ARHGEF28: variants seen among roughly 807,000 people sequenced by gnomAD.
The protein encoded by ARHGEF28 is 190 kDa guanine nucleotide exchange factor.
ARHGEF28 carries 152 observed loss-of-function variants against 206.6 expected under a neutral mutation model. The ratio of observed to expected loss-of-function variants is 0.74; its 90% CI spans 0.64 to 0.84. The LOEUF (loss-of-function observed/expected upper bound fraction) is 0.84. Ranked by LOEUF, ARHGEF28 falls within the 40% of genes least tolerant of loss-of-function variation. The probability of loss-of-function intolerance (pLI) is 0.00; values close to 1 mark genes in which losing one functional copy is unlikely to be tolerated. For synonymous variants in ARHGEF28, 763 were observed against 776.4 expected (o/e 0.98, Z 0.29); for missense variants, 2,028 against 2,073.2 (o/e 0.98, Z 0.42).
At position 73,825,966 on chromosome 5, in the gene ARHGEF28, G is replaced by A. The variant is rs1458039620; in HGVS notation, c.1025-6372G>A. ...TCATCATCATATGATGGTGTGTGAT[G>A]CCATGCTGTCAGATAACCAAGGGAA... On this transcript the variant is annotated intron_variant, in intron 9 of 35. Coordinates refer to ENST00000513042, the MANE Select transcript of ARHGEF28 (RefSeq NM_001177693.2). Among the ~76,000 whole-genome samples, 10 of 152,134 alleles carry A rather than the reference G, an allele frequency of 6.6e-5. 1 individual carries two copies. Among genetic ancestry groups the A allele is most frequent in the Admixed American group, 6.5e-4 (10 of 15,278 alleles).
intron 14 of ARHGEF28, among the ~76,000 whole-genome samples, chr5:73,855,200 A>G (rs1055537496): frequency 1.3e-5 from 2 of 152,174 alleles, no homozygotes; most frequent in African/African-American, 4.8e-5. Context: ...GATATAGGTA[A>G]ATATCACATA....
At chr5:73,703,647 T>TTGTGTGTGTGTGTG (rs56160198) in intron 2 of ARHGEF28, among the ~76,000 whole-genome samples, 2,645 of 139,678 alleles carry the variant, frequency 0.019, 86 homozygotes, top group African/African-American at 0.062. Flanking sequence ...TTTCCCAGCA[T>TTGTGTGTGTGTGTG]TGTGTGTGTG....
At chr5:73,741,912 C>G (rs1307549076) in intron 2 of ARHGEF28, among the ~76,000 whole-genome samples, 1 of 152,000 alleles carries the variant, frequency 6.6e-6, no homozygotes, top group East Asian at 1.9e-4. Context: ...TGAAAGAGGC[C>G]TGTTAAAGTT....
intron 28 of ARHGEF28, 88 bp downstream of exon 28, chr5:73,893,376 T>A: frequency 9.6e-7 from 1 of 1,045,698 alleles, no homozygotes; most frequent in Non-Finnish European, 1.3e-6. Flanking sequence ...AGGTTATAAC[T>A]ACATGATTCA....
intron 2 of ARHGEF28, among the ~76,000 whole-genome samples, chr5:73,714,129 C>G (rs1256917772): frequency 6.6e-6 from 1 of 152,134 alleles, no homozygotes; most frequent in Non-Finnish European, 1.5e-5. Flanking sequence ...TAATGTGTAG[C>G]ACTTGGCCAT....
chr5:73,804,304 G>GT (rs894341580), intron 9 of ARHGEF28, among the ~76,000 whole-genome samples: 8 of 151,746 alleles, frequency 5.3e-5, no homozygotes, highest in South Asian at 2.1e-4. Flanking sequence ...TGGAGACACT[G>GT]TTTTTTTTCC....
chr5:73,684,882 T>C lies in ARHGEF28; in HGVS notation c.31T>C (p.Tyr11His). The C allele has an allele frequency of 6.2e-7, 1 of 1,612,188 alleles. No homozygotes were observed. The highest frequency in any genetic ancestry group is 8.5e-7 in the Non-Finnish European group (1 of 1,178,940). ...GTTGAGCTGCAGCGAAGCACCTCTT[T>C]ACGTAAGTTGCTAAGCACGGGGCTT... MELSCSEAPL[Y>H]GQMMIYAKFD... is the part of the protein sequence containing the mutation. Residue 11 changes from tyrosine (Y) to histidine (H), a missense_variant and splice_region_variant, in exon 2 of 36, where the codon TAC (tyrosine) becomes CAC (histidine). This residue lies in a region of ARHGEF28 where 1,002 missense variants were observed against 1,015.3 expected (regional missense o/e 0.99). Transcript: ENST00000513042.
chr5:73,767,462 T>C (rs6893730), intron 4 of ARHGEF28, among the ~76,000 whole-genome samples: 3,385 of 152,232 alleles, frequency 0.022, 146 homozygotes, highest in African/African-American at 0.077. Flanking sequence ...AGGTAGTCTC[T>C]GATGGAAATG....
rs533183101 is a variant in ARHGEF28, at chr5:73,879,182, C to T, written c.2815-3290C>T. On this transcript the variant is annotated intron_variant, in intron 22 of 35. Coordinates refer to ENST00000513042, the MANE Select transcript of ARHGEF28 (RefSeq NM_001177693.2). ...TGCTTCATTTCATTCATTTCATCTT[C>T]CATCACTGATACCCTTCCTTCCAGC... Among the ~76,000 whole-genome samples the T allele has an allele frequency of 2.0e-5, 3 of 152,330 alleles. 1 individual carries two copies. The South Asian group carries it at 6.2e-4, about 32-fold the overall frequency.
At chr5:73,660,803 G>A (rs1295197002) in intron 1 of ARHGEF28, among the ~76,000 whole-genome samples, 2 of 152,118 alleles carry the variant, frequency 1.3e-5, no homozygotes, top group African/African-American at 4.8e-5. Flanking sequence ...CTCAATAATG[G>A]CCTTAAGATA....
At chr5:73,812,399 G>A (rs1333616587) in intron 9 of ARHGEF28, among the ~76,000 whole-genome samples, 3 of 152,136 alleles carry the variant, frequency 2.0e-5, no homozygotes, top group South Asian at 2.1e-4. Flanking sequence ...TTCCAATGTC[G>A]TTTAGTTTAT....
chr5:73,865,015 A>G (rs532354956), intron 17 of ARHGEF28, 143 bp downstream of exon 17: 9 of 716,674 alleles, frequency 1.3e-5, no homozygotes, highest in African/African-American at 1.1e-4. Context: ...CTCAAAGTGT[A>G]TAGTTATTTG....
chr5:73,898,761 G>A (rs1179988094), intron 30 of ARHGEF28: 1 of 152,130 alleles, frequency 6.6e-6, no homozygotes, highest in African/African-American at 2.4e-5. Context: ...TAATTTCCCC[G>A]AACCTAGCTA....
chr5:73,869,229 G>GC lies in ARHGEF28; in HGVS notation c.2426-840_2426-839insC, dbSNP rs368798213. Among the ~76,000 whole-genome samples, 111 of 125,608 alleles carry GC rather than the reference G, an allele frequency of 8.8e-4. 1 individual carries two copies. The highest frequency in any genetic ancestry group is 1.5e-3 in the Non-Finnish European group (92 of 60,848). 82.4% of individuals were successfully genotyped at this position (125,608 alleles called of 152,430 possible). ...AGGAGTGTGTGTGTGGGGTGGAGGGGGGTGGGGAAGGGCATGTATGTATGT... is the reference window on the plus strand; with the variant it reads ...AGGAGTGTGTGTGTGGGGTGGAGGGGCGGTGGGGAAGGGCATGTATGTATGT... On this transcript the variant is annotated intron_variant, in intron 20 of 35. Coordinates refer to ENST00000513042, the MANE Select transcript of ARHGEF28 (RefSeq NM_001177693.2).
intron 4 of ARHGEF28, among the ~76,000 whole-genome samples, chr5:73,766,444 T>G (rs1335466843): frequency 1.3e-5 from 2 of 152,242 alleles, no homozygotes; most frequent in Non-Finnish European, 2.9e-5. Context: ...CTTTTTGTTG[T>G]TCTTTGGTAA....
chr5:73,826,957 C>T (rs2112549469), intron 9 of ARHGEF28, among the ~76,000 whole-genome samples: 1 of 152,294 alleles, frequency 6.6e-6, no homozygotes, highest in South Asian at 2.1e-4. Flanking sequence ...ATCCTCCAGG[C>T]ACTTTGCAGT....
At chr5:73,839,619 G>A (rs1757863206) in intron 10 of ARHGEF28, among the ~76,000 whole-genome samples, 1 of 150,986 alleles carries the variant, frequency 6.6e-6, no homozygotes, top group African/African-American at 2.4e-5. Context: ...GGATTTTTAA[G>A]TAAGTCTTAG....
At chr5:73,744,555 A>G (rs966555142) in intron 2 of ARHGEF28, among the ~76,000 whole-genome samples, 3 of 150,052 alleles carry the variant, frequency 2.0e-5, no homozygotes, top group African/African-American at 7.4e-5. Context: ...TTTTTTTCTT[A>G]TTGTAAAGAA....
intron 9 of ARHGEF28, among the ~76,000 whole-genome samples, chr5:73,828,560 A>G (rs1251333604): frequency 7.7e-6 from 1 of 129,120 alleles, no homozygotes; most frequent in African/African-American, 2.9e-5. Context: ...GGAAGATGAC[A>G]TGGGCTAAGC....
Sources: gnomAD v4.1 joint callset for allele counts (sites outside exome capture counted in the v4.1 genomes callset) on GRCh38, gnomAD v4.1.1 for gene constraint, gnomAD v4.1.1 regional missense constraint, MANE v1.5 for transcripts, NCBI Gene and HGNC (gene_info 2026-07-23, HGNC 2026-07-21) for gene names.